The following SNX8 variants were observed in gnomAD, a reference collection of about 807,000 sequenced individuals.
SNX8 encodes sorting nexin-8.
In SNX8, 25 loss-of-function variants were observed where a neutral mutation model predicts 51.6. That is an observed-to-expected ratio of 0.48 (90% CI 0.35 to 0.68). SNX8 has a LOEUF of 0.68. Among genes scored for constraint, SNX8 ranks in the 30% least tolerant of loss-of-function variants. The pLI is 0.00. For missense variants in SNX8, 695 were observed against 624.0 expected, an observed-to-expected ratio of 1.11 and a Z score of -1.21; for synonymous variants, 324 against 277.0, an observed-to-expected ratio of 1.17 and a Z score of -1.68.
intron 5 of SNX8, among the ~76,000 whole-genome samples, chr7:2,267,331 C>G (rs1344119455): frequency 7.0e-6 from 1 of 143,330 alleles, no homozygotes; most frequent in Middle Eastern, 3.4e-3. Flanking sequence ...TCCCCCTCCC[C>G]CTCTCCCTCT....
At position 2,278,207 on chromosome 7, in the gene SNX8, A is replaced by G; in HGVS notation, c.193T>C (p.Ser65Pro). ...GCCAGCAGCTCCTGCAGGGTGTGGGACAGCAGCAGCGGGTTCCCCTGCGGC... is the reference window on the plus strand; with the variant it reads ...GCCAGCAGCTCCTGCAGGGTGTGGGGCAGCAGCAGCGGGTTCCCCTGCGGC... ...QMPQGNPLLL[S>P]HTLQELLARD... Residue 65 changes from serine (S) to proline (P), a missense_variant, in exon 2 of 11, where the codon TCC becomes CCC. Transcript: ENST00000222990. The G allele has an allele frequency of 6.2e-7, 1 of 1,613,604 alleles. No individual in the cohort carries two copies. Among genetic ancestry groups the G allele is most frequent in the Non-Finnish European group, 8.5e-7 (1 of 1,179,742 alleles).
rs143001382 is a variant in SNX8 at position 2,275,167 on chromosome 7, C to A, written c.363G>T (p.Leu121=). 190 of 1,614,180 alleles carry A rather than the reference C, an allele frequency of 1.2e-4. No individual in the cohort carries two copies. In the African/African-American group the frequency reaches 2.0e-3, roughly 17 times the overall value. Residue 121 remains leucine, a synonymous_variant, in exon 3 of 11, where the codon CTG becomes CTT. Transcript: ENST00000222990. The part of the protein sequence containing the change: ...NDFVVFQEML[L]HKFPYRMVPA... Reference sequence around the variant, plus strand: ...GCACCATACGGTAGGGGAACTTGTGCAGGAGCATCTCCTGGAAGACCACGA... The same window carrying A: ...GCACCATACGGTAGGGGAACTTGTGAAGGAGCATCTCCTGGAAGACCACGA...
chr7:2,316,279 A>G (rs1796755483), upstream of SNX8, among the ~76,000 whole-genome samples: 1 of 135,164 alleles, frequency 7.4e-6, no homozygotes, highest in Admixed American at 7.7e-5. Flanking sequence ...GAATTCATTC[A>G]CACAACCACT....
chr7:2,324,928 G>C (rs1331934998), intron 1 of SNX8, among the ~76,000 whole-genome samples: 1 of 147,826 alleles, frequency 6.8e-6, no homozygotes, highest in African/African-American at 2.7e-5. Context: ...TCCTCAGCCT[G>C]CTGCGTAGCT....
chr7:2,255,046 G>T lies in SNX8; in HGVS notation c.*10C>A, dbSNP rs1283667166. The T allele has an allele frequency of 3.3e-6, 5 of 1,532,372 alleles. No individual in the cohort carries two copies. In the African/African-American group the frequency reaches 5.5e-5, roughly 17 times the overall value. The allele number at this position is 1,532,372 out of a possible 1,614,324, so 94.9% of individuals were successfully genotyped here. ...TGCGGCCGCAGGGAGCACCACCTCA[G>T]CCTCAGGCGCTAGTGAGGACACAGG... On this transcript the variant is annotated 3_prime_UTR_variant, in exon 11 of 11. Coordinates refer to ENST00000222990, the MANE Select transcript of SNX8 (RefSeq NM_013321.4).
chr7:2,344,469 G>A lies in SNX8; in HGVS notation c.-66+9753C>T, dbSNP rs201513610. On this transcript the variant is annotated intron_variant, in intron 1 of 5. Coordinates refer to the SNX8 transcript ENST00000435336. ...TACTAAAAATACAAAAAAATTAGCC[G>A]GGCGTGGTGGTGGGTGCCTGTAGTC... 4.7e-5 allele frequency among the ~76,000 whole-genome samples: 7 copies of A among 149,862 alleles called. No individual in the cohort carries two copies. The East Asian group carries it at 6.0e-4, about 13-fold the overall frequency.
At chr7:2,274,124 C>T (rs533622057) in intron 3 of SNX8, among the ~76,000 whole-genome samples, 24 of 152,370 alleles carry the variant, frequency 1.6e-4, no homozygotes, top group East Asian at 5.8e-4. Context: ...ACATCCCTGT[C>T]GCGTCCTCTG....
chr7:2,351,880 G>A (rs1175909329), intron 1 of SNX8, among the ~76,000 whole-genome samples: 6 of 147,946 alleles, frequency 4.1e-5, no homozygotes, highest in African/African-American at 7.4e-5. Flanking sequence ...ACAAAAAATC[G>A]AGTAAGTTTT....
chr7:2,271,749 G>C, intron 4 of SNX8, 101 bp downstream of exon 4: 4 of 1,365,922 alleles, frequency 2.9e-6, no homozygotes, highest in Non-Finnish European at 2.0e-6. Context: ...TCCAAACAAG[G>C]GACCAGGAGG....
At chr7:2,313,931 G>A (rs1044283511) in intron 1 of SNX8, among the ~76,000 whole-genome samples, 2 of 152,266 alleles carry the variant, frequency 1.3e-5, no homozygotes, top group African/African-American at 2.4e-5. Flanking sequence ...CAAGTCCGGG[G>A]AAGTGGCCCC....
chr7:2,267,294 C>A (rs1308147688), intron 5 of SNX8, among the ~76,000 whole-genome samples: 3 of 150,026 alleles, frequency 2.0e-5, no homozygotes, highest in Admixed American at 2.0e-4. Context: ...TAGAAAAATA[C>A]CTTGGCCCTC....
chr7:2,354,477 T>C (rs147178344), upstream of SNX8, among the ~76,000 whole-genome samples: 12 of 152,294 alleles, frequency 7.9e-5, no homozygotes, highest in Non-Finnish European at 1.6e-4. Flanking sequence ...AGAGGACATT[T>C]TCCTAGCATT....
At chr7:2,282,385 G>A (rs976131189) in intron 1 of SNX8, among the ~76,000 whole-genome samples, 50 of 152,144 alleles carry the variant, frequency 3.3e-4, no homozygotes. Context: ...CATGCGGTGA[G>A]GGGCAAAGTC....
Position 2,254,756 on chromosome 7 carries a change from G to C in SNX8, c.*300C>G, listed in dbSNP as rs1795133236. The C allele has an allele frequency of 6.7e-6, 3 of 449,598 alleles. No individual in the cohort carries two copies. The South Asian group carries it at 7.1e-5, about 11-fold the overall frequency. 27.9% of individuals were successfully genotyped at this position (449,598 alleles called of 1,614,324 possible). ...ACGCTCCCCCAGGCACAATCTCTGT[G>C]AGATGAGAGATCCCTGCCTCCCCGC... On this transcript the variant is annotated 3_prime_UTR_variant, in exon 11 of 11. Coordinates refer to ENST00000222990, the MANE Select transcript of SNX8 (RefSeq NM_013321.4).
At chr7:2,350,620 C>T (rs550980453) in intron 1 of SNX8, among the ~76,000 whole-genome samples, 13 of 152,150 alleles carry the variant, frequency 8.5e-5, no homozygotes, top group South Asian at 4.1e-4. Flanking sequence ...CTTGGGCTAA[C>T]AGTGAGACAC....
chr7:2,340,655 A>C (rs1330135489), intron 1 of SNX8, among the ~76,000 whole-genome samples: 1 of 150,972 alleles, frequency 6.6e-6, no homozygotes, highest in Non-Finnish European at 1.5e-5. Context: ...TCAGGAGTTC[A>C]AGACCAGCCT....
chr7:2,260,544 A>G (rs1476245343), intron 7 of SNX8, among the ~76,000 whole-genome samples: 1 of 151,914 alleles, frequency 6.6e-6, no homozygotes, highest in Non-Finnish European at 1.5e-5. Context: ...GAAAACACAG[A>G]CCCTACTCCG....
intron 1 of SNX8, among the ~76,000 whole-genome samples, chr7:2,284,396 CTT>C (rs751803296): frequency 9.1e-4 from 81 of 88,894 alleles, no homozygotes; most frequent in African/African-American, 3.4e-3. Context: ...CTTTTATTTC[CTT>C]TTTTTTTTTT....
intron 1 of SNX8, among the ~76,000 whole-genome samples, chr7:2,306,781 A>G (rs1489864887): frequency 6.6e-6 from 1 of 152,178 alleles, no homozygotes. Context: ...TCACTTGTAT[A>G]ACAAAATTTT....
Sources: allele counts gnomAD v4.1 joint callset (sites outside exome capture counted in the v4.1 genomes callset), GRCh38; gene constraint gnomAD v4.1.1; transcripts MANE v1.5; gene names NCBI Gene and HGNC (gene_info 2026-07-23, HGNC 2026-07-21).